The following ACTR3C variants were observed in gnomAD, a reference collection of about 807,000 sequenced individuals.
ACTR3C encodes the protein actin related protein 3C.
A neutral mutation model predicts 26.3 loss-of-function variants in ACTR3C; 18 were observed. That is an observed-to-expected ratio of 0.68 (90% CI 0.47 to 1.01). The LOEUF is 1.01. Ranked by LOEUF, ACTR3C falls within the 50% of genes least tolerant of loss-of-function variation. The pLI is 0.00. For missense variants in ACTR3C, 184 were observed against 250.7 expected, an observed-to-expected ratio of 0.73 and a Z score of 1.80; for synonymous variants, 55 against 94.5, an observed-to-expected ratio of 0.58 and a Z score of 2.42.
intron 1 of ACTR3C, among the ~76,000 whole-genome samples, chr7:150,321,307 T>G (rs1797490420): frequency 1.3e-5 from 2 of 152,258 alleles, no homozygotes; most frequent in African/African-American, 4.8e-5. Context: ...GTCTCTCACC[T>G]TAACAATTGT....
chr7:150,262,036 TC>T (rs1489276382), intron 6 of ACTR3C, among the ~76,000 whole-genome samples: 9 of 149,956 alleles, frequency 6.0e-5, no homozygotes, highest in Admixed American at 5.3e-4. Context: ...CCTTTGCACT[TC>T]CTGGCTATCT....
At chr7:149,894,925 C>T in the ACTR3C span, among the ~76,000 whole-genome samples, 8 of 151,968 alleles carry the variant, frequency 5.3e-5, no homozygotes, top group Admixed American at 3.9e-4. Flanking sequence ...TGTTAAAGAG[C>T]TATCTGCACT....
At chr7:150,137,252 C>A in the ACTR3C span, among the ~76,000 whole-genome samples, 1 of 152,268 alleles carries the variant, frequency 6.6e-6, no homozygotes, top group South Asian at 2.1e-4. Flanking sequence ...CTTTTTCCAG[C>A]CACCCTAGGA....
At chr7:150,155,354 A>G in the ACTR3C span, among the ~76,000 whole-genome samples, 1 of 151,984 alleles carries the variant, frequency 6.6e-6, no homozygotes, top group African/African-American at 2.4e-5. Flanking sequence ...CATTCAAAAT[A>G]ACAAAAACCA....
intron 3 of ACTR3C, 126 bp downstream of exon 3, chr7:150,293,186 T>G: frequency 4.0e-6 from 6 of 1,517,858 alleles, no homozygotes; most frequent in Non-Finnish European, 5.3e-6. Flanking sequence ...ATTATCTTTC[T>G]AAGTACAACT....
At chr7:150,210,716 C>T in the ACTR3C span, among the ~76,000 whole-genome samples, 4 of 149,496 alleles carry the variant, frequency 2.7e-5, no homozygotes, top group Non-Finnish European at 2.9e-5. Flanking sequence ...GTTTTCCTTA[C>T]GGATGGAAAA....
chr7:150,305,718 G>A (rs564647717), intron 1 of ACTR3C, among the ~76,000 whole-genome samples: 1 of 152,330 alleles, frequency 6.6e-6, no homozygotes, highest in East Asian at 1.9e-4. Context: ...TATTGGGGAA[G>A]AGTGGAGTTC....
the ACTR3C span, among the ~76,000 whole-genome samples, chr7:150,191,904 T>C: frequency 6.6e-6 from 1 of 152,270 alleles, no homozygotes; most frequent in Non-Finnish European, 1.5e-5. Context: ...TTCCACTCTA[T>C]TCCTACCATA....
At chr7:150,040,096 G>GC in the ACTR3C span, among the ~76,000 whole-genome samples, 9 of 145,404 alleles carry the variant, frequency 6.2e-5, 1 homozygote, top group African/African-American at 2.4e-4. Context: ...CAAGAGCCAG[G>GC]GGGGAAGAGG....
the ACTR3C span, among the ~76,000 whole-genome samples, chr7:150,236,695 G>A: frequency 2.6e-5 from 4 of 151,756 alleles, no homozygotes; most frequent in Non-Finnish European, 4.4e-5. Context: ...TCAGAAGACT[G>A]TTCTACATAT....
the ACTR3C span, among the ~76,000 whole-genome samples, chr7:149,960,029 T>TA: frequency 1.3e-5 from 2 of 151,580 alleles, no homozygotes; most frequent in Non-Finnish European, 2.9e-5. Flanking sequence ...CTTGCAGCCA[T>TA]TTCTGCAAAT....
chr7:150,165,057 A>C, the ACTR3C span, among the ~76,000 whole-genome samples: 9 of 151,962 alleles, frequency 5.9e-5, no homozygotes, highest in Admixed American at 2.6e-4. Flanking sequence ...ATGGCATTTA[A>C]ATTTAGGTGT....
chr7:149,895,343 C>T, the ACTR3C span, among the ~76,000 whole-genome samples: 3 of 152,110 alleles, frequency 2.0e-5, no homozygotes, highest in African/African-American at 2.4e-5. Flanking sequence ...GAGGAGACAA[C>T]GGTTAATGAC....
chr7:149,958,993 C>A, the ACTR3C span, among the ~76,000 whole-genome samples: 1 of 152,222 alleles, frequency 6.6e-6, no homozygotes, highest in East Asian at 1.9e-4. Flanking sequence ...TGGCCCCATA[C>A]TTCTGGAGGA....
intron 6 of ACTR3C, among the ~76,000 whole-genome samples, chr7:150,257,661 C>T (rs1005994335): frequency 1.3e-5 from 2 of 152,216 alleles, no homozygotes; most frequent in African/African-American, 4.8e-5. Context: ...AACTTGAAAA[C>T]AGCAATGCCC....
At chr7:149,930,119 T>C in the ACTR3C span, among the ~76,000 whole-genome samples, 6 of 152,276 alleles carry the variant, frequency 3.9e-5, no homozygotes, top group Middle Eastern at 0.014. Flanking sequence ...CAGATTAAAT[T>C]AGACTTAAAA....
the ACTR3C span, among the ~76,000 whole-genome samples, chr7:150,194,914 T>C: frequency 6.6e-6 from 1 of 151,984 alleles, no homozygotes; most frequent in Admixed American, 6.6e-5. Context: ...GCCAACATGG[T>C]GAAACACCAT....
chr7:150,133,424 G>A, the ACTR3C span, among the ~76,000 whole-genome samples: 5 of 152,064 alleles, frequency 3.3e-5, no homozygotes, highest in African/African-American at 9.7e-5. Flanking sequence ...TTCATGCTCC[G>A]GCCTCTTTTC....
the ACTR3C span, among the ~76,000 whole-genome samples, chr7:150,212,049 C>T: frequency 0.012 from 1,714 of 146,722 alleles, 173 homozygotes; most frequent in African/African-American, 0.044. Flanking sequence ...CACATTATGT[C>T]TCCATAATAG....
Sources: allele counts gnomAD v4.1 joint callset (sites outside exome capture counted in the v4.1 genomes callset), GRCh38; gene constraint gnomAD v4.1.1; transcripts MANE v1.5; gene names NCBI Gene and HGNC (gene_info 2026-07-23, HGNC 2026-07-21).